NCOA6: variants seen among roughly 807,000 people sequenced by gnomAD.
NCOA6 encodes the protein nuclear receptor coactivator 6, also known as NRC RAP250.
NCOA6 carries 49 observed loss-of-function variants against 171.4 expected under a neutral mutation model. The ratio of observed to expected loss-of-function variants is 0.29; its 90% CI spans 0.23 to 0.36. The LOEUF is 0.36. Among genes scored for constraint, NCOA6 ranks in the 10% least tolerant of loss-of-function variants. The probability of loss-of-function intolerance (pLI) is 1.00; values close to 1 mark genes in which losing one functional copy is unlikely to be tolerated. For missense variants in NCOA6, 2,248 were observed against 2,554.5 expected, an observed-to-expected ratio of 0.88 and a Z score of 2.59; for synonymous variants, 910 against 927.5, an observed-to-expected ratio of 0.98 and a Z score of 0.34.
At position 34,754,899 on chromosome 20, in the gene NCOA6, C is replaced by A. The variant is rs777778824; in HGVS notation, c.1529-31G>T. The A allele has an allele frequency of 1.7e-5, 27 of 1,609,936 alleles. No individual in the cohort carries two copies. In the East Asian group the frequency reaches 4.9e-4, roughly 29 times the overall value. ...TAGAAAACAATGAGTAAGGCAGTTA[C>A]CTAGCAAATTTATACTCTTGCTTAG... On this transcript the variant is annotated intron_variant, in intron 7 of 14. Transcript: ENST00000359003.
intron 4 of NCOA6, among the ~76,000 whole-genome samples, chr20:34,771,210 C>G (rs1489227724): frequency 2.0e-5 from 3 of 152,166 alleles, no homozygotes; most frequent in Non-Finnish European, 4.4e-5. Context: ...ATTGACCTAA[C>G]TGGGCTTAAG....
intron 1 of NCOA6, among the ~76,000 whole-genome samples, chr20:34,798,127 C>T (rs918371591): frequency 6.6e-6 from 1 of 152,192 alleles, no homozygotes; most frequent in Non-Finnish European, 1.5e-5. Flanking sequence ...GCATTCATCA[C>T]AACCTAACTC....
chr20:34,776,600 T>C (rs1187641178), intron 3 of NCOA6, 152 bp from the exon 4 acceptor site: 3 of 911,644 alleles, frequency 3.3e-6, no homozygotes, highest in African/African-American at 3.3e-5. Context: ...CAGACTCAAA[T>C]CTAATCCTAG....
chr20:34,811,671 T>C (rs920785375), intron 1 of NCOA6, among the ~76,000 whole-genome samples: 1 of 152,198 alleles, frequency 6.6e-6, no homozygotes. Flanking sequence ...GGCACTTTCC[T>C]GCTCCTGAAG....
At chr20:34,773,341 A>T (rs1409855331) in intron 4 of NCOA6, among the ~76,000 whole-genome samples, 1 of 152,242 alleles carries the variant, frequency 6.6e-6, no homozygotes, top group Non-Finnish European at 1.5e-5. Flanking sequence ...GCCAAAACTT[A>T]AAAAAGGAAG....
rs746398025 is a variant in NCOA6, at chr20:34,742,594, T to C, written c.3662A>G (p.Tyr1221Cys). 40 of 1,613,986 alleles carry C rather than the reference T, an allele frequency of 2.5e-5. No homozygotes were observed. In the South Asian group the frequency reaches 4.2e-4, roughly 17 times the overall value. The change falls in exon 11 of 15, where the codon TAT becomes TGT. Residue 1221 changes from tyrosine to cysteine, a missense_variant. Physicochemically the swap from Tyr to Cys is radical, Grantham distance 194. Around this residue, in one of 7 missense-constraint regions of NCOA6, gnomAD observed 352 missense variants for 419.1 expected, o/e 0.84. Transcript: ENST00000359003. ...TPNRASPRPY[Y>C]PQTPNNRPPS... ...AGGGCGGTTGTTGGGTGTCTGAGGA[T>C]AATAGGGTCTGGGGCTGGCTCTGTT...
intron 1 of NCOA6, among the ~76,000 whole-genome samples, chr20:34,804,715 C>G (rs528484211): frequency 6.6e-6 from 1 of 151,912 alleles, no homozygotes; most frequent in African/African-American, 2.4e-5. Context: ...TTATTTTAAT[C>G]ACACATAACT....
At chr20:34,783,361 C>T (rs562659816) in intron 2 of NCOA6, among the ~76,000 whole-genome samples, 102 of 152,148 alleles carry the variant, frequency 6.7e-4, no homozygotes, top group African/African-American at 2.3e-3. Flanking sequence ...TAAATTGCTT[C>T]CTAAATTTTA....
intron 1 of NCOA6, among the ~76,000 whole-genome samples, chr20:34,793,058 C>T (rs931492345): frequency 6.6e-6 from 1 of 152,058 alleles, no homozygotes; most frequent in African/African-American, 2.4e-5. Flanking sequence ...GCTGAGATTA[C>T]AAGCATGAGC....
At chr20:34,803,980 TA>T (rs112400111) in intron 1 of NCOA6, among the ~76,000 whole-genome samples, 25 of 119,836 alleles carry the variant, frequency 2.1e-4, no homozygotes, top group Admixed American at 3.4e-4. Context: ...AAACACCGTT[TA>T]AAAAAAAAAA....
intron 4 of NCOA6, among the ~76,000 whole-genome samples, chr20:34,774,657 G>A (rs1235707684): frequency 6.6e-6 from 1 of 152,196 alleles, no homozygotes; most frequent in African/African-American, 2.4e-5. Context: ...GGGAAAGCTG[G>A]AATTGCTGGT....
At chr20:34,730,766 G>A (rs1990516014) in intron 13 of NCOA6, among the ~76,000 whole-genome samples, 1 of 143,450 alleles carries the variant, frequency 7.0e-6, no homozygotes, top group African/African-American at 2.6e-5. Context: ...ATGTTGGAGT[G>A]CAGTGAGCAC....
Position 34,750,438 on chromosome 20 carries a change from C to A in NCOA6, c.1757G>T (p.Gly586Val). Residue 586 changes from glycine (G) to valine (V), a missense_variant, in exon 9 of 15, where the codon GGA (glycine) becomes GTA (valine). Gly to Val is a moderately radical substitution (Grantham distance 109). Around this residue, in one of 7 missense-constraint regions of NCOA6, gnomAD observed 987 missense variants for 1,104.7 expected, o/e 0.89. Transcript: ENST00000359003. ...PPNMMQPSLM[G>V]IHGNMNNQQA... Reference sequence around the variant, plus strand: ...CTGATTGTTCATGTTGCCATGAATTCCCATGAGGCTGGGCTGCATCATATT... The same window carrying A: ...CTGATTGTTCATGTTGCCATGAATTACCATGAGGCTGGGCTGCATCATATT... 1 of 1,614,006 alleles carries A rather than the reference C, an allele frequency of 6.2e-7. No homozygotes were observed. Among genetic ancestry groups the A allele is most frequent in the Non-Finnish European group, 8.5e-7 (1 of 1,180,018 alleles).
chr20:34,815,781 C>A (rs2425003), intron 1 of NCOA6, among the ~76,000 whole-genome samples: 23,906 of 151,970 alleles, frequency 0.16, 2,070 homozygotes, highest in South Asian at 0.32. Context: ...CTTTATTGTG[C>A]TGGCAAAAGT....
At chr20:34,775,740 T>G (rs769918297) in intron 4 of NCOA6, among the ~76,000 whole-genome samples, 2 of 149,376 alleles carry the variant, frequency 1.3e-5, no homozygotes, top group Non-Finnish European at 3.0e-5. Context: ...AGGAAAGGAC[T>G]GTTGAAGGCT....
At chr20:34,758,444 T>C (rs2076718503) in intron 6 of NCOA6, among the ~76,000 whole-genome samples, 1 of 152,218 alleles carries the variant, frequency 6.6e-6, no homozygotes, top group African/African-American at 2.4e-5. Context: ...ATGCGTTTCT[T>C]CACTGTAGGA....
rs753121396 is a variant in NCOA6, at chr20:34,782,205, C to T, written c.151G>A (p.Ala51Thr). Residue 51 changes from alanine to threonine, a missense_variant, in exon 3 of 15, where the codon GCC becomes ACC. Ala to Thr is a moderately conservative substitution (Grantham distance 58). Transcript: ENST00000359003. ...TTATCATCTATATTTCCTTTGAAGGCCACAAAAATTGTGGAATCCTCCAAA... is the reference window on the plus strand; with the variant it reads ...TTATCATCTATATTTCCTTTGAAGGTCACAAAAATTGTGGAATCCTCCAAA... ...SILEDSTIFV[A>T]FKGNIDDKDF... is the part of the protein sequence containing the mutation. 4 of 1,612,474 alleles carry T rather than the reference C, an allele frequency of 2.5e-6. No homozygotes were observed. The highest frequency in any genetic ancestry group is 3.4e-6 in the Non-Finnish European group (4 of 1,179,216).
intron 1 of NCOA6, 84 bp downstream of exon 1, chr20:34,825,388 C>T (rs2079123223): frequency 6.7e-6 from 1 of 149,908 alleles, no homozygotes; most frequent in African/African-American, 2.4e-5. Flanking sequence ...CGGGCGGCGC[C>T]TCCTCCCCGC....
In NCOA6 at chr20:34,715,339, G is replaced by A. The variant is rs780236763; in HGVS notation, c.6175C>T (p.Arg2059Ter). 8.7e-6 allele frequency: 14 copies of A among 1,613,760 alleles called. No homozygotes were observed. Among genetic ancestry groups the A allele is most frequent in the African/African-American group, 1.3e-5 (1 of 74,884 alleles). The change falls in exon 15 of 15, where the codon CGA becomes TGA. Residue 2059 changes from arginine (R) to a stop codon, truncating the protein, a stop_gained. Transcript: ENST00000359003. LOFTEE classifies it high-confidence loss of function. ...KDITSAVQSK[R>*]RKSK Reference sequence around the variant, plus strand: ...CTGCTTGTTTACTTGGATTTTCTTCGCTTGGATTGCACCGCACTGGTTATG... The same window carrying A: ...CTGCTTGTTTACTTGGATTTTCTTCACTTGGATTGCACCGCACTGGTTATG...
Sources: gnomAD v4.1 joint callset for allele counts (sites outside exome capture counted in the v4.1 genomes callset) on GRCh38, gnomAD v4.1.1 for gene constraint, gnomAD v4.1.1 regional missense constraint, MANE v1.5 for transcripts, NCBI Gene and HGNC (gene_info 2026-07-23, HGNC 2026-07-21) for gene names.